INPP5J: variants seen among roughly 807,000 people sequenced by gnomAD.
INPP5J encodes the protein phosphatidylinositol 4,5-bisphosphate 5-phosphatase A.
INPP5J carries 75 observed loss-of-function variants against 86.6 expected under a neutral mutation model. The observed-to-expected ratio is 0.87, with a 90% CI of 0.72 to 1.05. The LOEUF (loss-of-function observed/expected upper bound fraction) is 1.05, where lower values mean the gene tolerates loss of function less well. Among genes scored for constraint, INPP5J ranks in the 50% least tolerant of loss-of-function variants. INPP5J has a pLI of 0.00. For missense variants in INPP5J, 1,229 were observed against 1,341.2 expected (o/e 0.92, Z 1.31); for synonymous variants, 540 against 550.0 (o/e 0.98, Z 0.25).
Position 31,125,236 on chromosome 22 carries a change from A to G in INPP5J, c.497A>G (p.Gln166Arg), listed in dbSNP as rs1246825421. The change falls in exon 2 of 13, where the codon CAG (glutamine) becomes CGG (arginine). Residue 166 changes from glutamine to arginine, a missense_variant. Gln to Arg is a conservative substitution (Grantham distance 43). Coordinates refer to ENST00000331075, the MANE Select transcript of INPP5J (RefSeq NM_001284285.2). Reference protein sequence around the residue: ...GPNLAPTSRDQKQEPPASVGP... With the variant: ...GPNLAPTSRDRKQEPPASVGP... ...AATCTGGCCCCAACCTCCAGAGACCAGAAGCAGGAGCCACCTGCCTCCGTG... is the reference window on the plus strand; with the variant it reads ...AATCTGGCCCCAACCTCCAGAGACCGGAAGCAGGAGCCACCTGCCTCCGTG... The G allele has an allele frequency of 1.3e-6, 2 of 1,550,450 alleles. No homozygotes were observed. Among genetic ancestry groups the G allele is most frequent in the Non-Finnish European group, 1.7e-6 (2 of 1,146,936 alleles).
chr22:31,123,251 G>A (rs572594542), intron 1 of INPP5J, 132 bp downstream of exon 1: 7 of 575,072 alleles, frequency 1.2e-5, no homozygotes, highest in Non-Finnish European at 2.0e-5. Flanking sequence ...GCGAGCAGGG[G>A]CTAGGTGAAG....
intron 1 of INPP5J, 33 bp from the exon 2 acceptor site, chr22:31,124,812 G>A (rs1921198114): frequency 5.1e-6 from 8 of 1,581,790 alleles, no homozygotes; most frequent in Non-Finnish European, 6.9e-6. Flanking sequence ...CCTGGTTAGG[G>A]TCACTCTGAA....
chr22:31,131,225 C>T (rs1922035656), intron 9 of INPP5J, among the ~76,000 whole-genome samples: 1 of 152,172 alleles, frequency 6.6e-6, no homozygotes, highest in South Asian at 2.1e-4. Flanking sequence ...CTCCTTTTGA[C>T]ACCCCATCCT....
In INPP5J at chr22:31,134,198, CG is replaced by C. The variant is rs1569291476; in HGVS notation, c.2804del (p.Gly935AlafsTer32). The C allele has an allele frequency of 2.6e-6, 4 of 1,549,932 alleles. No homozygotes were observed. The East Asian group carries it at 9.8e-5, about 38-fold the overall frequency. ...TGACAGGAGCAGTAATGGCAGCAGC[CG>C]GGGCAGTAGTGAAGAGGGGCCCTCT... The part of the protein sequence containing the change: ...APDRSSNGSS[R>X]GSSEEGPSGL... On this transcript the variant is annotated frameshift_variant, in exon 13 of 13. Coordinates refer to ENST00000331075, the MANE Select transcript of INPP5J (RefSeq NM_001284285.2). LOFTEE classifies it high-confidence loss of function.
rs180831123 is a variant in INPP5J, at chr22:31,127,382, G to A, written c.1637G>A (p.Arg546His). 8.3e-5 allele frequency: 134 copies of A among 1,612,938 alleles called. 1 individual carries two copies. The East Asian group carries it at 1.6e-3, about 20-fold the overall frequency. Residue 546 changes from arginine to histidine, a missense_variant, in exon 6 of 13, where the codon CGC becomes CAC. Physicochemically the swap from Arg to His is conservative, Grantham distance 29 (BLOSUM62 0). Transcript: ENST00000331075. ...GGTAACAAGGGTGGCGTGAGCGTGC[G>A]CCTGGCGGCCTTCGGGCACATGCTC... ...YWGNKGGVSV[R>H]LAAFGHMLCF...
chr22:31,129,592 G>A (rs1263800514), intron 9 of INPP5J, among the ~76,000 whole-genome samples: 1 of 144,928 alleles, frequency 6.9e-6, no homozygotes, highest in Admixed American at 7.2e-5. Flanking sequence ...TGCCCAGGCT[G>A]GAGTGCAGTG....
intron 3 of INPP5J, 52 bp from the exon 4 acceptor site, chr22:31,126,561 G>T: frequency 1.3e-6 from 2 of 1,599,820 alleles, no homozygotes; most frequent in Non-Finnish European, 1.7e-6. Flanking sequence ...CATGGCAGGG[G>T]CTTCCAGGGC....
chr22:31,125,119 C>T lies in INPP5J; in HGVS notation c.380C>T (p.Ala127Val), dbSNP rs182440662. 2.9e-3 allele frequency: 4,447 copies of T among 1,549,972 alleles called. 25 individuals carry two copies. Among genetic ancestry groups the T allele is most frequent in the South Asian group, 4.1e-3 (343 of 84,056 alleles). ...SASAGPKPPP[A>V]TTGSVLAPTS... is the part of the protein sequence containing the mutation. ...TCAGCTGGACCAAAGCCTCCCCCAG[C>T]GACCACAGGCTCAGTTCTGGCTCCG... Residue 127 changes from alanine to valine, a missense_variant, in exon 2 of 13, where the codon GCG (alanine) becomes GTG (valine). By Grantham distance (64) the Ala-to-Val change is moderately conservative. Transcript: ENST00000331075.
intron 1 of INPP5J, chr22:31,124,247 T>C: frequency 3.0e-6 from 3 of 985,490 alleles, no homozygotes; most frequent in Non-Finnish European, 2.4e-6. Flanking sequence ...TGCTCCTGAG[T>C]GGAGCTCTGG....
intron 6 of INPP5J, 103 bp downstream of exon 6, chr22:31,127,635 G>C (rs1921626570): frequency 8.6e-7 from 1 of 1,166,540 alleles, no homozygotes; most frequent in African/African-American, 1.6e-5. Flanking sequence ...GGCCTATGGG[G>C]TTTAGTGCCC....
chr22:31,125,603 C>T lies in INPP5J; in HGVS notation c.864C>T (p.Leu288=), dbSNP rs554153382. ...SPSFRARPEA[L]HSSPEDPVLP... The stretch of plus-strand genomic sequence containing the variant: ...CCTTCCGAGCCCGGCCTGAGGCCCT[C>T]CACAGCAGCCCTGAGGATCCTGTTT... The change falls in exon 2 of 13, where the codon CTC becomes CTT. Residue 288 remains leucine, a synonymous_variant. Coordinates refer to ENST00000331075, the MANE Select transcript of INPP5J (RefSeq NM_001284285.2). 3.9e-6 allele frequency: 6 copies of T among 1,550,588 alleles called. No individual in the cohort carries two copies. In the Admixed American group the frequency reaches 9.8e-5, roughly 25 times the overall value.
chr22:31,124,922 T>C lies in INPP5J; in HGVS notation c.183T>C (p.Pro61=). ...GPSEPRLALA[P]VGPRAAMSAS... ...CGGAACCAAGGTTGGCTCTGGCACC[T>C]GTAGGGCCACGGGCAGCTATGTCAG... The change falls in exon 2 of 13, where the codon CCT becomes CCC. Residue 61 remains proline, a synonymous_variant. Coordinates refer to ENST00000331075, the MANE Select transcript of INPP5J (RefSeq NM_001284285.2). 6.2e-7 allele frequency: 1 copy of C among 1,613,798 alleles called. No homozygotes were observed. The highest frequency in any genetic ancestry group is 8.5e-7 in the Non-Finnish European group (1 of 1,179,792).
In INPP5J at chr22:31,127,951, C is replaced by T. The variant is rs751122202; in HGVS notation, c.1788C>T (p.Asp596=). ...GPGAQGILDH[D]LVFWFGDLNF... ...CTCTCCCATCCCCCACCCCAAACAG[C>T]CTCGTGTTCTGGTTCGGGGACCTGA... The change falls in exon 7 of 13, where the codon GAC becomes GAT. Residue 596 remains aspartate (D), a splice_region_variant and synonymous_variant. Coordinates refer to ENST00000331075, the MANE Select transcript of INPP5J (RefSeq NM_001284285.2). 1 of 1,603,664 alleles carries T rather than the reference C, an allele frequency of 6.2e-7. No homozygotes were observed.
rs764477423 is a variant in INPP5J, at chr22:31,126,689, A to G, written c.1462A>G (p.Met488Val). 72 of 1,613,874 alleles carry G rather than the reference A, an allele frequency of 4.5e-5. No homozygotes were observed. Among genetic ancestry groups the G allele is most frequent in the Non-Finnish European group, 6.0e-5 (71 of 1,179,794 alleles). ...CACGGACCAGTGGAGTGAGCTGTTC[A>G]TGGATGCGCTAGGGCCCTTCAACTT... ...LFTDQWSELF[M>V]DALGPFNFVL... The change falls in exon 4 of 13, where the codon ATG becomes GTG. Residue 488 changes from methionine (M) to valine (V), a missense_variant. By Grantham distance (21) the Met-to-Val change is conservative. Transcript: ENST00000331075.
chr22:31,133,024 C>G, intron 9 of INPP5J, 74 bp from the exon 10 acceptor site: 1 of 1,537,076 alleles, frequency 6.5e-7, no homozygotes, highest in Non-Finnish European at 8.8e-7. Context: ...TGCTAAGACC[C>G]AAGAGCCTTA....
chr22:31,134,440 C>A lies in INPP5J; in HGVS notation c.*21C>A. 1 of 1,441,340 alleles carries A rather than the reference C, an allele frequency of 6.9e-7. No homozygotes were observed. The highest frequency in any genetic ancestry group is 9.1e-7 in the Non-Finnish European group (1 of 1,097,712). 89.3% of individuals were successfully genotyped at this position (1,441,340 alleles called of 1,614,324 possible). On this transcript the variant is annotated 3_prime_UTR_variant, in exon 13 of 13. Coordinates refer to ENST00000331075, the MANE Select transcript of INPP5J (RefSeq NM_001284285.2). ...CCTGAGGGTGGGGTAGGCAGATGGGCCAAGGTGACCACCATTCTGCCTCAA... is the reference window on the plus strand; with the variant it reads ...CCTGAGGGTGGGGTAGGCAGATGGGACAAGGTGACCACCATTCTGCCTCAA...
At position 31,133,415 on chromosome 22, in the gene INPP5J, C is replaced by T. The variant is rs770860065; in HGVS notation, c.2341C>T (p.Arg781Cys). Reference protein sequence around the residue: ...DWIGLYRVGFRHCKDYVAYVW... With the variant: ...DWIGLYRVGFCHCKDYVAYVW... ...AACACTGATCCCCCAGGTGGGTTTC[C>T]GCCATTGCAAGGACTATGTGGCTTA... is the stretch of plus-strand genomic sequence containing the variant. The change falls in exon 11 of 13, where the codon CGC becomes TGC. Residue 781 changes from arginine to cysteine, a missense_variant. Transcript: ENST00000331075. The T allele has an allele frequency of 5.6e-5, 90 of 1,613,668 alleles. No homozygotes were observed. Among genetic ancestry groups the T allele is most frequent in the Admixed American group, 8.3e-5 (5 of 60,000 alleles).
At chr22:31,123,143 C>A in intron 1 of INPP5J, 24 bp downstream of exon 1, 1 of 1,397,618 alleles carries the variant, frequency 7.2e-7, no homozygotes, top group Admixed American at 3.3e-5. Context: ...GACCCAGTGC[C>A]CCCCGCTTTC....
chr22:31,127,257 C>G, intron 5 of INPP5J, 100 bp from the exon 6 acceptor site: 1 of 1,147,086 alleles, frequency 8.7e-7, no homozygotes, highest in Non-Finnish European at 1.2e-6. Flanking sequence ...CTGTAGGACC[C>G]ACCCACCTTC....
Sources: allele counts gnomAD v4.1 joint callset (sites outside exome capture counted in the v4.1 genomes callset), GRCh38; gene constraint gnomAD v4.1.1; transcripts MANE v1.5; gene names NCBI Gene and HGNC (gene_info 2026-07-23, HGNC 2026-07-21).